The following CHCHD3 variants were observed in gnomAD, a reference collection of about 807,000 sequenced individuals.
CHCHD3 encodes MICOS complex subunit MIC19.
Under a neutral mutation model 38.2 loss-of-function variants are expected in CHCHD3, and 20 were observed. That is an observed-to-expected ratio of 0.52 (90% CI 0.37 to 0.76). CHCHD3 has a LOEUF of 0.76. Ranked by LOEUF, CHCHD3 falls within the 30% of genes least tolerant of loss-of-function variation. The pLI is 0.00. For missense variants in CHCHD3, 245 were observed against 279.2 expected, an observed-to-expected ratio of 0.88 and a Z score of 0.87; for synonymous variants, 82 against 100.0, an observed-to-expected ratio of 0.82 and a Z score of 1.07.
At chr7:133,062,857 G>A (rs957952445) in intron 2 of CHCHD3, among the ~76,000 whole-genome samples, 1 of 152,072 alleles carries the variant, frequency 6.6e-6, no homozygotes, top group Admixed American at 6.6e-5. Context: ...CAAAGTCCCT[G>A]CAGTAACAAG....
chr7:132,882,319 T>C (rs1329010958), intron 5 of CHCHD3, among the ~76,000 whole-genome samples: 1 of 152,138 alleles, frequency 6.6e-6, no homozygotes, highest in Admixed American at 6.6e-5. Context: ...TTTTACTTAA[T>C]GTGGAGTTAT....
At chr7:132,821,745 A>ACCTTTT (rs1563245714) in intron 6 of CHCHD3, among the ~76,000 whole-genome samples, 1 of 122,486 alleles carries the variant, frequency 8.2e-6, no homozygotes, top group African/African-American at 3.3e-5. Flanking sequence ...TAGCACTCAA[A>ACCTTTT]TCTTTTTTTT....
intron 2 of CHCHD3, among the ~76,000 whole-genome samples, chr7:133,044,788 G>C (rs1813931549): frequency 6.6e-6 from 1 of 152,220 alleles, no homozygotes; most frequent in African/African-American, 2.4e-5. Context: ...GGGTCTGCAG[G>C]GCAGACTTGG....
At chr7:132,863,201 T>C (rs970027165) in intron 5 of CHCHD3, among the ~76,000 whole-genome samples, 37 of 152,312 alleles carry the variant, frequency 2.4e-4, no homozygotes, top group African/African-American at 8.7e-4. Flanking sequence ...ATTTCTTAAA[T>C]AGTAAGACTT....
At chr7:133,000,506 CA>C (rs973341303) in intron 3 of CHCHD3, among the ~76,000 whole-genome samples, 6 of 148,262 alleles carry the variant, frequency 4.0e-5, no homozygotes, top group Non-Finnish European at 6.0e-5. Flanking sequence ...TACAAGGACA[CA>C]AAAAAAAAAT....
chr7:132,895,581 G>C (rs55813361), intron 4 of CHCHD3, among the ~76,000 whole-genome samples: 4,295 of 152,334 alleles, frequency 0.028, 190 homozygotes, highest in African/African-American at 0.098. Context: ...GGACCCACTG[G>C]GAAGTAACTG....
Position 132,791,685 on chromosome 7 carries a change from C to T in CHCHD3, c.660+4757G>A, listed in dbSNP as rs539792660. On this transcript the variant is annotated intron_variant, in intron 7 of 7. Coordinates refer to ENST00000262570, the MANE Select transcript of CHCHD3 (RefSeq NM_017812.4). ...GGAGATGAAATTGTCCTTCAGAAGGCGGACAGAAATTGTGCCAGGGCAAAT... is the reference window on the plus strand; with the variant it reads ...GGAGATGAAATTGTCCTTCAGAAGGTGGACAGAAATTGTGCCAGGGCAAAT... Among the ~76,000 whole-genome samples the T allele has an allele frequency of 1.1e-3, 166 of 152,294 alleles. 1 individual carries two copies. The highest frequency in any genetic ancestry group is 9.6e-3 in the South Asian group (46 of 4,816).
intron 2 of CHCHD3, among the ~76,000 whole-genome samples, chr7:133,048,632 G>A (rs553827840): frequency 6.6e-6 from 1 of 152,306 alleles, no homozygotes; most frequent in Admixed American, 6.5e-5. Context: ...GCTAGTCATA[G>A]ACAATTGGAA....
intron 6 of CHCHD3, among the ~76,000 whole-genome samples, chr7:132,811,625 C>G (rs1807072039): frequency 6.6e-6 from 1 of 152,184 alleles, no homozygotes; most frequent in Non-Finnish European, 1.5e-5. Flanking sequence ...AAATCAGAGG[C>G]CTCTAAGTGG....
Position 132,788,736 on chromosome 7 carries a change from C to G in CHCHD3, c.661-3076G>C, listed in dbSNP as rs959207599. Among the ~76,000 whole-genome samples the G allele has an allele frequency of 6.6e-6, 1 of 152,126 alleles. No homozygotes were observed. Among genetic ancestry groups the G allele is most frequent in the African/African-American group, 2.4e-5 (1 of 41,418 alleles). On this transcript the variant is annotated intron_variant, in intron 7 of 7. Coordinates refer to ENST00000262570, the MANE Select transcript of CHCHD3 (RefSeq NM_017812.4). The surrounding 1 kb of genome is among the most constrained non-coding windows in gnomAD (Gnocchi z 4.0). Reference sequence around the variant, plus strand: ...CCCTTTAGCCACATTCACAAAATACCGTTACATGTATTAAAATTCTAATCC... The same window carrying G: ...CCCTTTAGCCACATTCACAAAATACGGTTACATGTATTAAAATTCTAATCC...
chr7:132,855,238 A>C (rs1460023621), intron 5 of CHCHD3, among the ~76,000 whole-genome samples: 2 of 152,218 alleles, frequency 1.3e-5, no homozygotes, highest in Non-Finnish European at 2.9e-5. Flanking sequence ...TCACTAAGTC[A>C]TGCCTTTTGT....
chr7:133,034,415 G>A (rs994755318), intron 2 of CHCHD3, among the ~76,000 whole-genome samples: 1 of 148,638 alleles, frequency 6.7e-6, no homozygotes, highest in Non-Finnish European at 1.5e-5. Context: ...TGGTAAGAAA[G>A]CAACAAGGAT....
intron 3 of CHCHD3, among the ~76,000 whole-genome samples, chr7:132,984,050 ATG>A (rs1358289450): frequency 4.1e-4 from 52 of 127,990 alleles, no homozygotes; most frequent in Non-Finnish European, 5.5e-4. Flanking sequence ...CCCTCTCCCC[ATG>A]GTCTCCCTCT....
intron 5 of CHCHD3, among the ~76,000 whole-genome samples, chr7:132,848,879 CT>C (rs1335759074): frequency 1.3e-5 from 2 of 152,158 alleles, no homozygotes; most frequent in African/African-American, 4.8e-5. Flanking sequence ...CTTTTATCCC[CT>C]ACCCTCCGTC....
At chr7:132,941,612 C>T (rs1327850370) in intron 4 of CHCHD3, among the ~76,000 whole-genome samples, 1 of 152,146 alleles carries the variant, frequency 6.6e-6, no homozygotes, top group African/African-American at 2.4e-5. Context: ...ATATTACTGG[C>T]AACACCAAAA....
chr7:132,946,972 C>T (rs2117280200), intron 4 of CHCHD3, among the ~76,000 whole-genome samples: 1 of 152,032 alleles, frequency 6.6e-6, no homozygotes, highest in East Asian at 1.9e-4. Flanking sequence ...AAAATGTACA[C>T]AAACCACCAT....
At chr7:132,838,924 C>CAAAA (rs1452732798) in intron 5 of CHCHD3, among the ~76,000 whole-genome samples, 1 of 152,132 alleles carries the variant, frequency 6.6e-6, no homozygotes, top group Non-Finnish European at 1.5e-5. Context: ...GATGGTATGG[C>CAAAA]TCATGCCTAT....
chr7:133,064,741 GAGA>G (rs1562952426), intron 2 of CHCHD3, among the ~76,000 whole-genome samples: 1 of 152,128 alleles, frequency 6.6e-6, no homozygotes, highest in East Asian at 1.9e-4. Context: ...TCACAATGAC[GAGA>G]AATTTACAGA....
chr7:133,072,505 T>G (rs1382725067), intron 1 of CHCHD3, among the ~76,000 whole-genome samples: 1 of 152,070 alleles, frequency 6.6e-6, no homozygotes, highest in African/African-American at 2.4e-5. Context: ...ACTTTATCAG[T>G]AGCAGAGGAA....
Sources: allele counts gnomAD v4.1 joint callset (sites outside exome capture counted in the v4.1 genomes callset), GRCh38; gene constraint gnomAD v4.1.1; non-coding constraint Gnocchi (gnomAD v3.1); transcripts MANE v1.5; gene names NCBI Gene and HGNC (gene_info 2026-07-23, HGNC 2026-07-21).